Variants in PCDH11X observed in about 807,000 individuals in gnomAD.
PCDH11X encodes the protein protocadherin-11 X-linked.
Under a neutral mutation model 53.3 loss-of-function variants are expected in PCDH11X, and 18 were observed. The observed-to-expected ratio is 0.34, with a 90% confidence interval of 0.23 to 0.50. PCDH11X has a LOEUF of 0.50. PCDH11X is among the 20% of genes least tolerant of loss of function. PCDH11X has a pLI of 0.98. For synonymous variants in PCDH11X, 279 were observed against 393.3 expected, an observed-to-expected ratio of 0.71 and a Z score of 3.44; for missense variants, 570 against 1,032.4, an observed-to-expected ratio of 0.55 and a Z score of 6.14.
intron 5 of PCDH11X, among the ~76,000 whole-genome samples, chrX:91,875,943 G>T (rs1003416228): frequency 7.3e-5 from 8 of 110,249 alleles, no homozygotes; most frequent in African/African-American, 2.6e-4. Flanking sequence ...TTATTTTGGT[G>T]CTTACTTTAG....
Position 91,836,007 on chromosome X carries a change from T to A in PCDH11X, c.503T>A (p.Val168Glu), listed in dbSNP as rs1352068820. Reference sequence around the variant, plus strand: ...CTCCCAGCGGCTGTTGATCCTGACGTAGGAATAAACGGAGTTCAAAACTAC... The same window carrying A: ...CTCCCAGCGGCTGTTGATCCTGACGAAGGAATAAACGGAGTTCAAAACTAC... ...YTLPAAVDPD[V>E]GINGVQNYEL... The change falls in exon 5 of 11, where the codon GTA becomes GAA. Residue 168 changes from valine to glutamate, a missense_variant. Physicochemically the swap from Val to Glu is moderately radical, Grantham distance 121 (BLOSUM62 -2). Transcript: ENST00000682573. The A allele has an allele frequency of 1.7e-6, 2 of 1,211,450 alleles. No homozygotes were observed.
chrX:91,907,471 AT>A (rs1941225228), intron 6 of PCDH11X, among the ~76,000 whole-genome samples: 2 of 105,160 alleles, frequency 1.9e-5, no homozygotes, highest in Admixed American at 1.1e-4. Flanking sequence ...TAATAGACAA[AT>A]ATAAATATTT....
At position 92,310,185 on chromosome X, in the gene PCDH11X, C is replaced by T. The variant is rs771364749; in HGVS notation, c.3144+47042C>T. On this transcript the variant is annotated intron_variant, in intron 8 of 10. Transcript: ENST00000682573. ...TCTAAACAATTTTCTCCACCGTGTC[C>T]GGTATTCGCTCATGTTTTGCTTTTC... is the stretch of plus-strand genomic sequence containing the variant. Among the ~76,000 whole-genome samples the T allele has an allele frequency of 5.4e-5, 6 of 111,850 alleles. No individual in the cohort carries two copies. In the East Asian group the frequency reaches 8.5e-4, roughly 16 times the overall value.
At chrX:92,291,677 A>G (rs2068496094) in intron 8 of PCDH11X, among the ~76,000 whole-genome samples, 1 of 106,346 alleles carries the variant, frequency 9.4e-6, no homozygotes, top group South Asian at 4.3e-4. Flanking sequence ...TCCATAAGCT[A>G]TAACTAAAAC....
rs146888157 is a variant in PCDH11X, at chrX:92,046,158, T to C, written c.3034-155217T>C. ...CATGTTGTTAGCTTGAAACAGGAAA[T>C]AGTGGGAGTATTTATGACGCATAAA... On this transcript the variant is annotated intron_variant, in intron 6 of 10. Transcript: ENST00000682573. 3.0e-3 allele frequency among the ~76,000 whole-genome samples: 332 copies of C among 111,196 alleles called. 3 individuals carry two copies. Among genetic ancestry groups the C allele is most frequent in the Non-Finnish European group, 4.4e-3 (232 of 53,046 alleles).
At chrX:92,482,488 CAG>C (rs1336819787) in intron 10 of PCDH11X, among the ~76,000 whole-genome samples, 1 of 111,310 alleles carries the variant, frequency 9.0e-6, no homozygotes, top group Non-Finnish European at 1.9e-5. Context: ...TTTTAAGAAA[CAG>C]AGGAAATAAT....
Position 91,877,797 on chromosome X carries a change from A to G in PCDH11X, c.1557A>G (p.Thr519=), listed in dbSNP as rs140114523. 11 of 1,209,891 alleles carry G rather than the reference A, an allele frequency of 9.1e-6. No homozygotes were observed. The highest frequency in any genetic ancestry group is 2.3e-4 in the Middle Eastern group (1 of 4,371). Residue 519 remains threonine (T), a synonymous_variant, in exon 6 of 11, where the codon ACA becomes ACG. Coordinates refer to ENST00000682573, the MANE Select transcript of PCDH11X (RefSeq NM_032968.5). ...APPEFSLDCR[T]GMLTVVKKLD... ...CTGAATTCAGCCTGGATTGTCGTACAGGCATGCTGACTGTAGTGAAGAAAC... is the reference window on the plus strand; with the variant it reads ...CTGAATTCAGCCTGGATTGTCGTACGGGCATGCTGACTGTAGTGAAGAAAC...
At chrX:92,589,458 T>C (rs1191389456) in intron 10 of PCDH11X, among the ~76,000 whole-genome samples, 5 of 111,767 alleles carry the variant, frequency 4.5e-5, no homozygotes, top group Admixed American at 9.5e-5. Flanking sequence ...AGTTAAAGCA[T>C]ATAATCTTTA....
rs749400983 is a variant in PCDH11X, at chrX:91,824,187, C to T, written c.-44-11274C>T. Reference sequence around the variant, plus strand: ...CTCTTCTCGAGGAGTATCTTTGTGGCGTTCTCTGTATTTCCTGAATTTGAA... The same window carrying T: ...CTCTTCTCGAGGAGTATCTTTGTGGTGTTCTCTGTATTTCCTGAATTTGAA... On this transcript the variant is annotated intron_variant, in intron 4 of 10. Coordinates refer to ENST00000682573, the MANE Select transcript of PCDH11X (RefSeq NM_032968.5). Among the ~76,000 whole-genome samples, 103 of 110,693 alleles carry T rather than the reference C, an allele frequency of 9.3e-4. No homozygotes were observed. In the South Asian group the frequency reaches 0.04, roughly 43 times the overall value.
At chrX:92,615,747 G>A (rs1225119655) in intron 10 of PCDH11X, among the ~76,000 whole-genome samples, 1 of 106,402 alleles carries the variant, frequency 9.4e-6, no homozygotes. Context: ...GTTTTTCCTG[G>A]TGTTTTCCCC....
At chrX:92,097,812 A>G (rs955449291) in intron 6 of PCDH11X, among the ~76,000 whole-genome samples, 12 of 111,128 alleles carry the variant, frequency 1.1e-4, no homozygotes, top group Non-Finnish European at 2.3e-4. Flanking sequence ...AGTCCCTTAT[A>G]TAAAATGATA....
intron 7 of PCDH11X, among the ~76,000 whole-genome samples, chrX:92,224,255 C>A (rs1160241212): frequency 8.9e-6 from 1 of 112,036 alleles, no homozygotes; most frequent in Non-Finnish European, 1.9e-5. Context: ...TAGGCTGATG[C>A]CACTGAAGGC....
chrX:92,374,753 G>A (rs2070701441), intron 8 of PCDH11X, among the ~76,000 whole-genome samples: 2 of 110,718 alleles, frequency 1.8e-5, no homozygotes, highest in Admixed American at 9.7e-5. Context: ...TTACACTGTT[G>A]CCATTTAACA....
intron 9 of PCDH11X, among the ~76,000 whole-genome samples, chrX:92,465,106 C>T (rs1012469414): frequency 5.4e-5 from 6 of 110,760 alleles, no homozygotes; most frequent in Non-Finnish European, 1.1e-4. Flanking sequence ...ATGATCTTTC[C>T]ACTGCACTCC....
intron 6 of PCDH11X, among the ~76,000 whole-genome samples, chrX:91,916,851 C>T (rs1442536709): frequency 2.7e-5 from 3 of 109,951 alleles, no homozygotes; most frequent in East Asian, 5.7e-4. Context: ...CAAGAAAGGA[C>T]GTAACAAAAA....
At chrX:92,091,039 G>T (rs1290732868) in intron 6 of PCDH11X, among the ~76,000 whole-genome samples, 5 of 111,860 alleles carry the variant, frequency 4.5e-5, no homozygotes, top group East Asian at 5.6e-4. Context: ...AAAGAACCAG[G>T]CTCTTTTGTA....
chrX:92,439,025 G>T (rs976551870), intron 9 of PCDH11X, among the ~76,000 whole-genome samples: 1 of 111,079 alleles, frequency 9.0e-6, no homozygotes, highest in African/African-American at 3.3e-5. Flanking sequence ...AAGTAGACAT[G>T]AATAGAATTT....
At chrX:92,295,955 C>T (rs1395850665) in intron 8 of PCDH11X, among the ~76,000 whole-genome samples, 2 of 109,427 alleles carry the variant, frequency 1.8e-5, no homozygotes, top group African/African-American at 6.7e-5. Context: ...TGGTGGCATA[C>T]ACATGTAGTC....
chrX:92,550,077 T>C (rs2074928169), intron 10 of PCDH11X, among the ~76,000 whole-genome samples: 1 of 110,880 alleles, frequency 9.0e-6, no homozygotes, highest in Non-Finnish European at 1.9e-5. Flanking sequence ...TATCCTTTAA[T>C]GAATGTCTCC....
Sources: gnomAD v4.1 joint callset for allele counts (sites outside exome capture counted in the v4.1 genomes callset) on GRCh38, gnomAD v4.1.1 for gene constraint, MANE v1.5 for transcripts, NCBI Gene and HGNC (gene_info 2026-07-23, HGNC 2026-07-21) for gene names.